The following EFCAB13 variants were observed in gnomAD, a reference collection of about 807,000 sequenced individuals.
The protein encoded by EFCAB13 is EF-hand calcium-binding domain-containing protein 13.
A neutral mutation model predicts 110.2 loss-of-function variants in EFCAB13; 91 were observed. That is an observed-to-expected ratio of 0.83 (90% confidence interval 0.70 to 0.98). The LOEUF is 0.98. Ranked by LOEUF, EFCAB13 falls within the 50% of genes least tolerant of loss-of-function variation. EFCAB13 has a pLI of 0.00. For synonymous variants in EFCAB13, 323 were observed against 369.9 expected (o/e 0.87, Z 1.45); for missense variants, 968 against 1,119.4 (o/e 0.86, Z 1.93).
chr17:47,395,714 C>T, intron 16 of EFCAB13, 120 bp from the exon 17 acceptor site: 1 of 664,464 alleles, frequency 1.5e-6, no homozygotes, highest in Non-Finnish European at 2.2e-6. Flanking sequence ...TTCATTTATG[C>T]TATATTTATT....
At chr17:47,429,719 A>T (rs1418267245) in intron 23 of EFCAB13, 99 bp from the exon 24 acceptor site, 8 of 1,364,170 alleles carry the variant, frequency 5.9e-6, no homozygotes, top group Non-Finnish European at 6.8e-6. Context: ...CTAGAATCAG[A>T]TCTTCATATT....
intron 14 of EFCAB13, among the ~76,000 whole-genome samples, chr17:47,380,871 T>TTGC (rs1265008723): frequency 8.6e-5 from 13 of 150,482 alleles, no homozygotes; most frequent in African/African-American, 3.2e-4. Context: ...GCCGCATAAA[T>TTGC]TGCTTCTTCT....
At chr17:47,353,159 G>A (rs1274029255) in intron 9 of EFCAB13, among the ~76,000 whole-genome samples, 3 of 151,978 alleles carry the variant, frequency 2.0e-5, no homozygotes, top group Non-Finnish European at 4.4e-5. Flanking sequence ...TTTTGTTTTG[G>A]TTCTTAGGAG....
At chr17:47,433,482 G>A (rs1905158081) in intron 24 of EFCAB13, among the ~76,000 whole-genome samples, 1 of 152,118 alleles carries the variant, frequency 6.6e-6, no homozygotes, top group East Asian at 1.9e-4. Context: ...ATTTGGGGAC[G>A]TGTGTTAAAA....
intron 4 of EFCAB13, among the ~76,000 whole-genome samples, chr17:47,329,334 A>G (rs1412149609): frequency 6.6e-6 from 1 of 152,044 alleles, no homozygotes; most frequent in Non-Finnish European, 1.5e-5. Context: ...CTGGGAGTTT[A>G]GGGCTCAAGT....
intron 11 of EFCAB13, among the ~76,000 whole-genome samples, chr17:47,373,817 T>C (rs1376817516): frequency 6.6e-6 from 1 of 152,184 alleles, no homozygotes; most frequent in Non-Finnish European, 1.5e-5. Flanking sequence ...GCAAAATTTA[T>C]TCATAGTTGA....
At chr17:47,422,216 A>G (rs1057415177) in intron 23 of EFCAB13, among the ~76,000 whole-genome samples, 41 of 152,208 alleles carry the variant, frequency 2.7e-4, no homozygotes, top group Non-Finnish European at 8.8e-5. Flanking sequence ...TAGATGTAGA[A>G]AACATATTTG....
intron 9 of EFCAB13, among the ~76,000 whole-genome samples, chr17:47,359,717 T>A (rs2065500711): frequency 6.6e-6 from 1 of 150,752 alleles, no homozygotes; most frequent in Admixed American, 6.6e-5. Context: ...GCTGGTGTGC[T>A]GCACCCATTA....
intron 10 of EFCAB13, among the ~76,000 whole-genome samples, chr17:47,368,018 C>G (rs1185887081): frequency 4.6e-5 from 7 of 152,080 alleles, no homozygotes; most frequent in Admixed American, 4.6e-4. Flanking sequence ...AGAGCATATC[C>G]TGAAGCTACA....
chr17:47,325,958 A>ATATATG (rs1353046726), intron 2 of EFCAB13, among the ~76,000 whole-genome samples: 1 of 115,362 alleles, frequency 8.7e-6, no homozygotes, highest in African/African-American at 3.0e-5. Context: ...ATATATATAT[A>ATATATG]TATAGCATAT....
intron 12 of EFCAB13, 86 bp downstream of exon 12, chr17:47,375,052 C>A: frequency 7.6e-7 from 1 of 1,324,414 alleles, no homozygotes; most frequent in Non-Finnish European, 9.9e-7. Context: ...GTAAGCATTT[C>A]AATTGTTAAC....
chr17:47,393,137 TG>T (rs745918092), intron 15 of EFCAB13, among the ~76,000 whole-genome samples: 1 of 151,962 alleles, frequency 6.6e-6, no homozygotes, highest in Non-Finnish European at 1.5e-5. Context: ...CTCAAACTCC[TG>T]GGCTCAAGCA....
At chr17:47,358,748 C>A (rs757715206) in intron 9 of EFCAB13, among the ~76,000 whole-genome samples, 3 of 152,128 alleles carry the variant, frequency 2.0e-5, no homozygotes, top group African/African-American at 7.2e-5. Context: ...CAATAGTACA[C>A]ACATACATTT....
chr17:47,437,793 T>G (rs1905240386), intron 24 of EFCAB13, among the ~76,000 whole-genome samples: 1 of 152,216 alleles, frequency 6.6e-6, no homozygotes, highest in South Asian at 2.1e-4. Context: ...TATGGTTACA[T>G]TCATCATATT....
intron 4 of EFCAB13, among the ~76,000 whole-genome samples, chr17:47,329,411 A>G (rs1379488833): frequency 1.3e-5 from 2 of 152,168 alleles, no homozygotes; most frequent in South Asian, 2.1e-4. Context: ...ATCTGACGCT[A>G]CTGTGTAAAA....
chr17:47,342,131 A>T (rs1598722929), intron 6 of EFCAB13, 99 bp downstream of exon 6: 4 of 651,446 alleles, frequency 6.1e-6, no homozygotes, highest in Non-Finnish European at 1.1e-5. Flanking sequence ...GAAATGTCAC[A>T]GTCTTAAATA....
chr17:47,353,497 T>C (rs62076460), intron 9 of EFCAB13, among the ~76,000 whole-genome samples: 1 of 152,026 alleles, frequency 6.6e-6, no homozygotes, highest in South Asian at 2.1e-4. Flanking sequence ...GGTTTTACCA[T>C]GTTGGCCAGG....
At chr17:47,420,362 C>G (rs1228100240) in intron 23 of EFCAB13, among the ~76,000 whole-genome samples, 1 of 152,306 alleles carries the variant, frequency 6.6e-6, no homozygotes, top group African/African-American at 2.4e-5. Flanking sequence ...CTCTGCCCAG[C>G]CGCCACCCCA....
At chr17:47,365,992 G>A (rs1490687621) in intron 10 of EFCAB13, among the ~76,000 whole-genome samples, 2 of 152,096 alleles carry the variant, frequency 1.3e-5, no homozygotes, top group African/African-American at 2.4e-5. Context: ...GGTAGGAGAT[G>A]TTAATTTTTC....
Sources: gnomAD v4.1 joint callset for allele counts (sites outside exome capture counted in the v4.1 genomes callset) on GRCh38, gnomAD v4.1.1 for gene constraint, MANE v1.5 for transcripts, NCBI Gene and HGNC (gene_info 2026-07-23, HGNC 2026-07-21) for gene names.